Variants in ASB3 observed in about 807,000 individuals in gnomAD.
ASB3 encodes ankyrin repeat and SOCS box containing 3, also known as ankyrin repeat and SOCS box protein 3.
In ASB3, 41 loss-of-function variants were observed where a neutral mutation model predicts 54.5. The observed-to-expected ratio is 0.75, with a 90% confidence interval of 0.59 to 0.98. The LOEUF (loss-of-function observed/expected upper bound fraction) is 0.98, where lower values mean the gene tolerates loss of function less well. Ranked by LOEUF, ASB3 falls within the 50% of genes least tolerant of loss-of-function variation. The pLI is 0.00. For synonymous variants in ASB3, 266 were observed against 221.2 expected, an observed-to-expected ratio of 1.20 and a Z score of -1.80; for missense variants, 733 against 620.0, an observed-to-expected ratio of 1.18 and a Z score of -1.94.
intron 5 of ASB3, among the ~76,000 whole-genome samples, chr2:53,725,234 T>G (rs542161574): frequency 6.6e-6 from 1 of 152,232 alleles, no homozygotes; most frequent in East Asian, 1.9e-4. Context: ...GGCTAAACAC[T>G]GGGTACTCAA....
chr2:53,683,215 G>A (rs1668468259), intron 9 of ASB3, among the ~76,000 whole-genome samples: 1 of 152,182 alleles, frequency 6.6e-6, no homozygotes, highest in Admixed American at 6.5e-5. Context: ...AGCATCAATT[G>A]AAATGATCAT....
chr2:53,705,705 T>A lies in ASB3; in HGVS notation c.981-5177A>T, dbSNP rs137856912. Reference sequence around the variant, plus strand: ...TCCTTCTGGATTTTAATGACATGAATGTTAGACCTGTTGATACTGTCCCTT... The same window carrying A: ...TCCTTCTGGATTTTAATGACATGAAAGTTAGACCTGTTGATACTGTCCCTT... On this transcript the variant is annotated intron_variant, in intron 7 of 9. Transcript: ENST00000263634. 3.1e-4 allele frequency among the ~76,000 whole-genome samples: 47 copies of A among 152,344 alleles called. 2 individuals are homozygous for A. In the East Asian group the frequency reaches 8.9e-3, roughly 29 times the overall value.
In ASB3 at chr2:53,716,746, A is replaced by G. The variant is rs1670415295; in HGVS notation, c.605-3T>C. On this transcript the variant is annotated splice_polypyrimidine_tract_variant and splice_region_variant and intron_variant, in intron 5 of 9. Coordinates refer to ENST00000263634, the MANE Select transcript of ASB3 (RefSeq NM_016115.5). Reference sequence around the variant, plus strand: ...GGCTTGACAATTGACATTTGCACCTAAGGGTACAAAATAAAACATTTAACA... The same window carrying G: ...GGCTTGACAATTGACATTTGCACCTGAGGGTACAAAATAAAACATTTAACA... 3 of 1,609,512 alleles carry G rather than the reference A, an allele frequency of 1.9e-6. No homozygotes were observed. The highest frequency in any genetic ancestry group is 1.3e-5 in the African/African-American group (1 of 74,888).
chr2:53,726,359 T>C (rs747905352), intron 5 of ASB3, among the ~76,000 whole-genome samples: 41 of 151,050 alleles, frequency 2.7e-4, no homozygotes, highest in Admixed American at 6.6e-4. Flanking sequence ...CTCCTGGGTT[T>C]AAGCAATTCT....
chr2:53,740,834 A>C (rs1407885300), intron 3 of ASB3, among the ~76,000 whole-genome samples: 1 of 152,234 alleles, frequency 6.6e-6, no homozygotes. Flanking sequence ...TCCTTCAATC[A>C]AATGAAAGTA....
chr2:53,758,218 G>GACA (rs1379385170), intron 2 of ASB3, among the ~76,000 whole-genome samples: 4 of 152,156 alleles, frequency 2.6e-5, no homozygotes, highest in African/African-American at 9.7e-5. Flanking sequence ...TGAGACCACT[G>GACA]ACAACACATA....
intron 1 of ASB3, among the ~76,000 whole-genome samples, chr2:53,782,742 A>C (rs1163162738): frequency 6.6e-6 from 1 of 152,198 alleles, no homozygotes; most frequent in African/African-American, 2.4e-5. Context: ...AGGACCCTAA[A>C]GTTAGACCCA....
chr2:53,673,496 A>C (rs1239489879), intron 9 of ASB3, among the ~76,000 whole-genome samples: 1 of 152,212 alleles, frequency 6.6e-6, no homozygotes, highest in Non-Finnish European at 1.5e-5. Context: ...GTCTATCTTT[A>C]AAGCTTAATA....
intron 7 of ASB3, among the ~76,000 whole-genome samples, chr2:53,702,279 C>G (rs4116709): frequency 1.4e-4 from 21 of 151,990 alleles, no homozygotes; most frequent in Non-Finnish European, 2.2e-4. Context: ...ACTGGAGAAG[C>G]ATAGAGTTTT....
At chr2:53,786,460 AAC>A (rs1675010013) in intron 1 of ASB3, 1 of 152,202 alleles carries the variant, frequency 6.6e-6, no homozygotes, top group African/African-American at 2.4e-5. Context: ...GGTTTCCCCT[AAC>A]ACAGAGTTGC....
chr2:53,702,828 G>A (rs112520438), intron 7 of ASB3, among the ~76,000 whole-genome samples: 62 of 152,126 alleles, frequency 4.1e-4, no homozygotes, highest in Non-Finnish European at 5.0e-4. Context: ...AATAGAAATG[G>A]GCAAATATCT....
Position 53,716,868 on chromosome 2 carries a change from T to C in ASB3, c.605-125A>G, listed in dbSNP as rs1300628193. 5 of 1,061,270 alleles carry C rather than the reference T, an allele frequency of 4.7e-6. No homozygotes were observed. In the East Asian group the frequency reaches 1.0e-4, roughly 22 times the overall value. 65.7% of individuals were successfully genotyped at this position (1,061,270 alleles called of 1,614,324 possible). A position where few individuals can be genotyped will look rare whatever the true frequency, so the allele number is the denominator to read the frequency against. ...TAAGCTTTTCCCTCTTCACTGAATG[T>C]TGGATGTTGTTATATAAACATATTT... On this transcript the variant is annotated intron_variant, in intron 5 of 9. Transcript: ENST00000263634.
intron 5 of ASB3, among the ~76,000 whole-genome samples, chr2:53,722,044 G>C (rs1670741510): frequency 6.6e-6 from 1 of 152,006 alleles, no homozygotes; most frequent in Non-Finnish European, 1.5e-5. Flanking sequence ...GATCCTCTGA[G>C]ACTATTACGA....
At position 53,670,619 on chromosome 2, in the gene ASB3, A is replaced by T. The variant is rs777133258; in HGVS notation, c.1441T>A (p.Ser481Thr). The T allele has an allele frequency of 1.2e-6, 2 of 1,614,108 alleles. No homozygotes were observed. Among genetic ancestry groups the T allele is most frequent in the Non-Finnish European group, 8.5e-7 (1 of 1,179,996 alleles). Residue 481 changes from serine to threonine, a missense_variant, in exon 10 of 10, where the codon TCT becomes ACT. Coordinates refer to ENST00000263634, the MANE Select transcript of ASB3 (RefSeq NM_016115.5). ...RSSLKSERLR[S>T]DSYISQLPLP... ...GGCAGCTGACTAATATAACTGTCAG[A>T]CCGTAGACGTTCTGATTTTAGACTG...
chr2:53,768,037 G>C (rs1407152595), intron 1 of ASB3: 2 of 1,611,766 alleles, frequency 1.2e-6, no homozygotes, highest in East Asian at 4.5e-5. Context: ...GCGCCGGTCA[G>C]CTCCCCACAC....
At chr2:53,716,838 C>T (rs1572897530) in intron 5 of ASB3, 95 bp from the exon 6 acceptor site, 4 of 1,349,734 alleles carry the variant, frequency 3.0e-6, no homozygotes, top group Non-Finnish European at 3.9e-6. Context: ...GGTTTCGTAG[C>T]ACGGTAAGCT....
intron 7 of ASB3, among the ~76,000 whole-genome samples, chr2:53,700,940 T>C (rs1455400388): frequency 6.6e-6 from 1 of 152,256 alleles, no homozygotes; most frequent in Non-Finnish European, 1.5e-5. Context: ...ATCATTTTCC[T>C]TAGCAATAAC....
intron 2 of ASB3, among the ~76,000 whole-genome samples, chr2:53,764,818 TCTA>T (rs1366114970): frequency 6.6e-6 from 1 of 152,256 alleles, no homozygotes; most frequent in East Asian, 1.9e-4. Context: ...TTTTATTATC[TCTA>T]CTTTGTTTTA....
At chr2:53,775,473 A>ATAATT (rs1674273676) in intron 1 of ASB3, among the ~76,000 whole-genome samples, 1 of 152,044 alleles carries the variant, frequency 6.6e-6, no homozygotes, top group Non-Finnish European at 1.5e-5. Flanking sequence ...TCCTGGAATT[A>ATAATT]TAATTTTGTT....
Sources: allele counts gnomAD v4.1 joint callset (sites outside exome capture counted in the v4.1 genomes callset), GRCh38; gene constraint gnomAD v4.1.1; transcripts MANE v1.5; gene names NCBI Gene and HGNC (gene_info 2026-07-23, HGNC 2026-07-21).